Variants in KIAA0319L observed in about 807,000 individuals in gnomAD.
KIAA0319L encodes the protein dyslexia-associated protein KIAA0319-like protein.
Under a neutral mutation model 120.1 loss-of-function variants are expected in KIAA0319L, and 55 were observed. That is an observed-to-expected ratio of 0.46 (90% CI 0.37 to 0.57). KIAA0319L has a LOEUF of 0.57. KIAA0319L is among the 20% of genes least tolerant of loss of function. The pLI, the probability that KIAA0319L is intolerant of heterozygous loss-of-function variation, is 0.00. For missense variants in KIAA0319L, 1,049 were observed against 1,255.3 expected (o/e 0.84, Z 2.48); for synonymous variants, 398 against 471.9 (o/e 0.84, Z 2.03).
chr1:35,545,450 G>A (rs1049832433), intron 2 of KIAA0319L, among the ~76,000 whole-genome samples: 1 of 152,178 alleles, frequency 6.6e-6, no homozygotes, highest in Non-Finnish European at 1.5e-5. Context: ...GAGAACATTA[G>A]AGAAGTCCAC....
rs1645192434 is a variant in KIAA0319L, at chr1:35,506,044, C to T, written c.666+568G>A. Among the ~76,000 whole-genome samples, 1 of 152,172 alleles carries T rather than the reference C, an allele frequency of 6.6e-6. No homozygotes were observed. The highest frequency in any genetic ancestry group is 1.5e-5 in the Non-Finnish European group (1 of 68,034). On this transcript the variant is annotated intron_variant, in intron 3 of 20. Transcript: ENST00000325722. This position sits in a 1 kb window ranked among gnomAD's most constrained non-coding sequence, Gnocchi z 4.0. ...ATCAACAATGAAGAAACATAATAAG[C>T]AGAATAAACTCTACTGGTGGTATCT... is the stretch of plus-strand genomic sequence containing the variant.
At chr1:35,522,487 T>A (rs1047978816) in intron 2 of KIAA0319L, among the ~76,000 whole-genome samples, 2 of 151,630 alleles carry the variant, frequency 1.3e-5, no homozygotes, top group African/African-American at 4.8e-5. Context: ...ACCATGTTGG[T>A]CAGGCTGGTC....
intron 19 of KIAA0319L, among the ~76,000 whole-genome samples, chr1:35,441,512 A>C (rs1641215968): frequency 6.6e-6 from 1 of 152,098 alleles, no homozygotes; most frequent in African/African-American, 2.4e-5. Context: ...ATTTTTAAAA[A>C]TTCCTTTAGT....
At chr1:35,457,848 C>A (rs1294086725) in intron 9 of KIAA0319L, among the ~76,000 whole-genome samples, 1 of 152,212 alleles carries the variant, frequency 6.6e-6, no homozygotes, top group African/African-American at 2.4e-5. Flanking sequence ...AAACATGTAC[C>A]AATCAGCAGA....
intron 2 of KIAA0319L, among the ~76,000 whole-genome samples, chr1:35,550,726 A>T (rs1011252090): frequency 2.5e-4 from 38 of 151,732 alleles, no homozygotes; most frequent in South Asian, 8.3e-4. Context: ...CTTTTTTTTT[A>T]AATTATTAAA....
intron 3 of KIAA0319L, among the ~76,000 whole-genome samples, chr1:35,482,152 C>T (rs1471540575): frequency 6.6e-6 from 1 of 151,844 alleles, no homozygotes; most frequent in Admixed American, 6.6e-5. Context: ...TTTGCATTTC[C>T]TAAAAGGTTC....
chr1:35,490,816 A>C (rs1644564286), intron 3 of KIAA0319L, among the ~76,000 whole-genome samples: 1 of 152,294 alleles, frequency 6.6e-6, no homozygotes, highest in East Asian at 1.9e-4. Flanking sequence ...CTGGATCATG[A>C]AGGTGGATTT....
intron 3 of KIAA0319L, among the ~76,000 whole-genome samples, chr1:35,483,618 T>G (rs909096290): frequency 6.6e-6 from 1 of 152,240 alleles, no homozygotes; most frequent in Non-Finnish European, 1.5e-5. Flanking sequence ...CCTTGATTAC[T>G]GTGGCTATAC....
chr1:35,465,908 C>T (rs535186911), intron 7 of KIAA0319L, among the ~76,000 whole-genome samples: 13 of 152,266 alleles, frequency 8.5e-5, no homozygotes, highest in East Asian at 1.9e-4. Flanking sequence ...CTACATAAGA[C>T]GTGACTTGCT....
intron 6 of KIAA0319L, among the ~76,000 whole-genome samples, chr1:35,469,544 C>G (rs1486757004): frequency 6.6e-6 from 1 of 151,914 alleles, no homozygotes; most frequent in African/African-American, 2.4e-5. Context: ...ATTCCCCTTT[C>G]CCCACATTTT....
chr1:35,484,955 CT>C (rs997171029), intron 3 of KIAA0319L, among the ~76,000 whole-genome samples: 4 of 126,246 alleles, frequency 3.2e-5, no homozygotes, highest in Non-Finnish European at 5.0e-5. Context: ...TCCCTCCCCC[CT>C]CCCCCGACCC....
At chr1:35,507,263 C>T (rs1304462085) in intron 2 of KIAA0319L, 128 bp from the exon 3 acceptor site, 1 of 839,436 alleles carries the variant, frequency 1.2e-6, no homozygotes, top group Non-Finnish European at 1.8e-6. Context: ...AGAAAGCCAT[C>T]TAGTGAGTGG....
At chr1:35,553,348 T>C (rs1647439135) in intron 2 of KIAA0319L, among the ~76,000 whole-genome samples, 1 of 144,164 alleles carries the variant, frequency 6.9e-6, no homozygotes, top group Admixed American at 7.0e-5. Context: ...AAGCATCATC[T>C]GGGGTAAAAA....
intron 2 of KIAA0319L, among the ~76,000 whole-genome samples, chr1:35,515,379 G>T (rs1645640720): frequency 6.7e-6 from 1 of 149,284 alleles, no homozygotes; most frequent in African/African-American, 2.5e-5. Context: ...AATGAAAATA[G>T]AAGTCAAAAC....
At chr1:35,532,116 C>T (rs890807400) in intron 2 of KIAA0319L, among the ~76,000 whole-genome samples, 9 of 151,776 alleles carry the variant, frequency 5.9e-5, no homozygotes, top group African/African-American at 1.9e-4. Context: ...AAAAATTAGC[C>T]GGGCGTGGTG....
In KIAA0319L at chr1:35,506,999, A is replaced by T; in HGVS notation, c.279T>A (p.Ser93=). ...QSCWAACCQD[S]ACHVFWWLEG... is the part of the protein sequence containing the mutation. ...CTAGCCACCAAAAGACATGGCAGGCAGAGTCCTGGCAGCAGGCAGCCCAAC... is the reference window on the plus strand; with the variant it reads ...CTAGCCACCAAAAGACATGGCAGGCTGAGTCCTGGCAGCAGGCAGCCCAAC... The change falls in exon 3 of 21, where the codon TCT becomes TCA. Residue 93 remains serine (S), a synonymous_variant. Transcript: ENST00000325722. This position sits in a 1 kb window ranked among gnomAD's most constrained non-coding sequence, Gnocchi z 4.0. 1 of 1,613,330 alleles carries T rather than the reference A, an allele frequency of 6.2e-7. No homozygotes were observed. The highest frequency in any genetic ancestry group is 8.5e-7 in the Non-Finnish European group (1 of 1,179,670).
In KIAA0319L at chr1:35,526,410, T is replaced by TAC. The variant is rs1239616275; in HGVS notation, c.143-19277_143-19276dup. On this transcript the variant is annotated intron_variant, in intron 2 of 20. Coordinates refer to ENST00000325722, the MANE Select transcript of KIAA0319L (RefSeq NM_024874.5). ...ATACATATATATATATATATATATA[T>TAC]ACACACATACATATATATATGTATA... Among the ~76,000 whole-genome samples the TAC allele has an allele frequency of 8.3e-3, 1,135 of 137,496 alleles. 13 individuals carry two copies. The highest frequency in any genetic ancestry group is 0.025 in the African/African-American group (903 of 36,010). 90.2% of individuals were successfully genotyped at this position (137,496 alleles called of 152,430 possible). A position where few individuals can be genotyped will look rare whatever the true frequency, so the allele number is the denominator to read the frequency against.
rs1270653842 is a variant in KIAA0319L at position 35,453,873 on chromosome 1, C to A, written c.1781-184G>T. ...TAAAGAATATAAGGCTGAAACATAT[C>A]AAGCAATTCTGACAGAAACATAGAA... On this transcript the variant is annotated intron_variant, in intron 11 of 20. Coordinates refer to ENST00000325722, the MANE Select transcript of KIAA0319L (RefSeq NM_024874.5). This position sits in a 1 kb window ranked among gnomAD's most constrained non-coding sequence, Gnocchi z 4.1. Among the ~76,000 whole-genome samples, 1 of 152,186 alleles carries A rather than the reference C, an allele frequency of 6.6e-6. No homozygotes were observed. Among genetic ancestry groups the A allele is most frequent in the Non-Finnish European group, 1.5e-5 (1 of 68,030 alleles).
intron 2 of KIAA0319L, among the ~76,000 whole-genome samples, chr1:35,518,687 T>C (rs765188575): frequency 3.3e-5 from 5 of 152,126 alleles, no homozygotes; most frequent in Non-Finnish European, 7.4e-5. Context: ...AACCTTCAGA[T>C]GTGCCCCCGA....
Sources: allele counts gnomAD v4.1 joint callset (sites outside exome capture counted in the v4.1 genomes callset), GRCh38; gene constraint gnomAD v4.1.1; non-coding constraint Gnocchi (gnomAD v3.1); transcripts MANE v1.5; gene names NCBI Gene and HGNC (gene_info 2026-07-23, HGNC 2026-07-21).